NKAIN3: variants seen among roughly 807,000 people sequenced by gnomAD.
The protein encoded by NKAIN3 is sodium/potassium-transporting ATPase subunit beta-1-interacting protein 3.
In NKAIN3, 25 loss-of-function variants were observed where a neutral mutation model predicts 30.2. The observed-to-expected ratio is 0.83, with a 90% CI of 0.60 to 1.16. The LOEUF is 1.16. Among genes scored for constraint, NKAIN3 ranks in the 50% most tolerant of loss-of-function variants. The pLI is 0.00. For missense variants in NKAIN3, 225 were observed against 254.1 expected, an observed-to-expected ratio of 0.89 and a Z score of 0.78; for synonymous variants, 91 against 89.6, an observed-to-expected ratio of 1.02 and a Z score of -0.09.
chr8:62,851,535 G>A lies in NKAIN3; in HGVS notation c.472-66918G>A, dbSNP rs566407780. Among the ~76,000 whole-genome samples the A allele has an allele frequency of 1.9e-3, 292 of 152,146 alleles. 1 individual carries two copies. In the Middle Eastern group the frequency reaches 0.02, roughly 11 times the overall value. ...AGAGAGGACATCCCCGTCTTGTGCC[G>A]GTTTTCAAAGGGAATGCTTCCAGGT... On this transcript the variant is annotated intron_variant, in intron 4 of 6. Transcript: ENST00000623646.
intron 4 of NKAIN3, among the ~76,000 whole-genome samples, chr8:62,873,521 A>G (rs1054121368): frequency 6.7e-6 from 1 of 148,712 alleles, no homozygotes; most frequent in African/African-American, 2.5e-5. Flanking sequence ...CTACCCCAAA[A>G]CAACAGAATA....
intron 3 of NKAIN3, among the ~76,000 whole-genome samples, chr8:62,625,816 A>C (rs1281327549): frequency 1.3e-5 from 2 of 151,998 alleles, no homozygotes; most frequent in Non-Finnish European, 2.9e-5. Flanking sequence ...AGCCATGACC[A>C]CTGTTTTCCC....
chr8:62,560,787 C>G (rs827696), intron 1 of NKAIN3, among the ~76,000 whole-genome samples: 2 of 151,890 alleles, frequency 1.3e-5, no homozygotes, highest in East Asian at 1.9e-4. Context: ...GTAATACACC[C>G]GTCTCGGCCT....
intron 1 of NKAIN3, among the ~76,000 whole-genome samples, chr8:62,404,493 GA>G (rs1563383232): frequency 6.6e-6 from 1 of 152,104 alleles, no homozygotes. Context: ...TCATGATAAT[GA>G]GTAAGTTTTC....
Position 62,390,595 on chromosome 8 carries a change from C to T in NKAIN3, c.54+141468C>T, listed in dbSNP as rs150130116. Among the ~76,000 whole-genome samples the T allele has an allele frequency of 2.2e-4, 34 of 152,212 alleles. 1 individual carries two copies. In the East Asian group the frequency reaches 5.4e-3, roughly 24 times the overall value. On this transcript the variant is annotated intron_variant, in intron 1 of 6. Coordinates refer to ENST00000623646, the MANE Select transcript of NKAIN3 (RefSeq NM_001304533.3). Reference sequence around the variant, plus strand: ...TTGCTGGGTTGAATGGTGTTTCTGCCTCTAGGTCTTTGAGGCATCACTACA... The same window carrying T: ...TTGCTGGGTTGAATGGTGTTTCTGCTTCTAGGTCTTTGAGGCATCACTACA...
intron 3 of NKAIN3, among the ~76,000 whole-genome samples, chr8:62,607,765 C>T (rs1359389877): frequency 6.6e-6 from 1 of 151,882 alleles, no homozygotes; most frequent in Non-Finnish European, 1.5e-5. Context: ...ATATAGTATC[C>T]TGAAGGATGA....
intron 1 of NKAIN3, among the ~76,000 whole-genome samples, chr8:62,321,584 T>C (rs1814912722): frequency 6.6e-6 from 1 of 152,244 alleles, no homozygotes; most frequent in Non-Finnish European, 1.5e-5. Context: ...TGGATTTTGC[T>C]GGAAGTCCAC....
chr8:62,620,000 G>A (rs1276786286), intron 3 of NKAIN3, among the ~76,000 whole-genome samples: 1 of 152,080 alleles, frequency 6.6e-6, no homozygotes, highest in Non-Finnish European at 1.5e-5. Flanking sequence ...ATTAACGAGA[G>A]GAAACCACAT....
At chr8:62,431,587 C>G (rs1387404836) in intron 1 of NKAIN3, among the ~76,000 whole-genome samples, 1 of 151,762 alleles carries the variant, frequency 6.6e-6, no homozygotes, top group Non-Finnish European at 1.5e-5. Flanking sequence ...TAGAATTAAA[C>G]TTTAACAAAA....
intron 4 of NKAIN3, among the ~76,000 whole-genome samples, chr8:62,776,914 C>CT (rs1334047098): frequency 1.3e-5 from 2 of 152,080 alleles, no homozygotes; most frequent in East Asian, 1.9e-4. Context: ...AGTTTTTCAG[C>CT]TTTTGTCTGA....
chr8:62,369,677 C>G (rs1816846177), intron 1 of NKAIN3, among the ~76,000 whole-genome samples: 1 of 151,924 alleles, frequency 6.6e-6, no homozygotes, highest in Non-Finnish European at 1.5e-5. Flanking sequence ...TTCTCTGACT[C>G]CTGATGGCTA....
chr8:62,972,532 A>G lies in NKAIN3; in HGVS notation c.*7125A>G, dbSNP rs1165319514. Among the ~76,000 whole-genome samples, 1 of 152,128 alleles carries G rather than the reference A, an allele frequency of 6.6e-6. No homozygotes were observed. The highest frequency in any genetic ancestry group is 1.5e-5 in the Non-Finnish European group (1 of 68,030). On this transcript the variant is annotated 3_prime_UTR_variant, in exon 7 of 7. Coordinates refer to ENST00000623646, the MANE Select transcript of NKAIN3 (RefSeq NM_001304533.3). Reference sequence around the variant, plus strand: ...CCAAGATTTTTTTGTCTCTCTCTGAATCAAGTTCGTCGTCTATTTACGTGC... The same window carrying G: ...CCAAGATTTTTTTGTCTCTCTCTGAGTCAAGTTCGTCGTCTATTTACGTGC...
intron 5 of NKAIN3, among the ~76,000 whole-genome samples, chr8:62,996,626 G>A (rs904830011): frequency 4.6e-5 from 7 of 152,106 alleles, no homozygotes; most frequent in African/African-American, 7.2e-5. Flanking sequence ...TTCCACCTAT[G>A]AGCCTGTAAA....
chr8:62,291,538 T>G (rs183080707), intron 1 of NKAIN3, among the ~76,000 whole-genome samples: 1 of 152,290 alleles, frequency 6.6e-6, no homozygotes, highest in Non-Finnish European at 1.5e-5. Flanking sequence ...TTCCATGTAG[T>G]TTAGATGTTT....
At chr8:62,572,059 G>A (rs1204699552) in intron 1 of NKAIN3, among the ~76,000 whole-genome samples, 5 of 152,006 alleles carry the variant, frequency 3.3e-5, no homozygotes, top group African/African-American at 1.2e-4. Context: ...TCAGAAAATG[G>A]GATTTTCTTT....
chr8:62,770,670 G>A (rs1816980993), intron 4 of NKAIN3, among the ~76,000 whole-genome samples: 1 of 151,944 alleles, frequency 6.6e-6, no homozygotes, highest in African/African-American at 2.4e-5. Context: ...GCAGTCCATA[G>A]CAAGGTGTTT....
chr8:62,830,664 A>C (rs1819168611), intron 4 of NKAIN3, among the ~76,000 whole-genome samples: 3 of 152,178 alleles, frequency 2.0e-5, no homozygotes, highest in Admixed American at 2.0e-4. Flanking sequence ...AGGCACTTGG[A>C]CAGCTCAATC....
At chr8:62,743,191 A>G (rs987373667) in intron 3 of NKAIN3, among the ~76,000 whole-genome samples, 4 of 152,188 alleles carry the variant, frequency 2.6e-5, no homozygotes, top group African/African-American at 9.7e-5. Flanking sequence ...CTTCAACAAT[A>G]AAGTGATTTG....
chr8:62,594,804 C>T (rs1198247249), intron 3 of NKAIN3, among the ~76,000 whole-genome samples: 1 of 151,698 alleles, frequency 6.6e-6, no homozygotes, highest in East Asian at 1.9e-4. Flanking sequence ...TTCCTCCCTT[C>T]CTTTCTTCCC....
Sources: allele counts gnomAD v4.1 joint callset (sites outside exome capture counted in the v4.1 genomes callset), GRCh38; gene constraint gnomAD v4.1.1; transcripts MANE v1.5; gene names NCBI Gene and HGNC (gene_info 2026-07-23, HGNC 2026-07-21).